Variants in SRD5A2 observed in about 807,000 individuals in gnomAD.
SRD5A2 encodes 3-oxo-5-alpha-steroid 4-dehydrogenase 2.
A neutral mutation model predicts 27.4 loss-of-function variants in SRD5A2; 30 were observed. That is an observed-to-expected ratio of 1.10 (90% confidence interval 0.82 to 1.49). The LOEUF is 1.49. Ranked by LOEUF, SRD5A2 falls within the 40% of genes most tolerant of loss-of-function variation. The pLI is 0.00. For missense variants in SRD5A2, 348 were observed against 323.4 expected, an observed-to-expected ratio of 1.08 and a Z score of -0.58; for synonymous variants, 141 against 133.6, an observed-to-expected ratio of 1.06 and a Z score of -0.38.
chr2:31,643,909 G>A, the SRD5A2 span, among the ~76,000 whole-genome samples: 1 of 152,124 alleles, frequency 6.6e-6, no homozygotes, highest in African/African-American at 2.4e-5. Flanking sequence ...ATTATAGAAG[G>A]ATAGAATTAG....
chr2:31,543,183 A>G (rs1666174187), intron 1 of SRD5A2, among the ~76,000 whole-genome samples: 1 of 152,214 alleles, frequency 6.6e-6, no homozygotes, highest in South Asian at 2.1e-4. Flanking sequence ...GAAACTGTCA[A>G]GCAAGAACAC....
intron 1 of SRD5A2, among the ~76,000 whole-genome samples, chr2:31,550,828 A>T (rs1304784087): frequency 6.6e-6 from 1 of 152,024 alleles, no homozygotes; most frequent in Non-Finnish European, 1.5e-5. Flanking sequence ...CAAGACAAAG[A>T]TGTGCATTCT....
chr2:31,533,572 A>T (rs767985392), intron 2 of SRD5A2, 31 bp downstream of exon 2: 12 of 1,546,324 alleles, frequency 7.8e-6, no homozygotes, highest in South Asian at 2.4e-5. Context: ...GTTAGCTGGG[A>T]AGTAGGTGAG....
intron 1 of SRD5A2, among the ~76,000 whole-genome samples, chr2:31,559,755 G>C (rs900560072): frequency 2.6e-5 from 4 of 152,040 alleles, no homozygotes; most frequent in Admixed American, 6.6e-5. Flanking sequence ...AGGTATGTTT[G>C]TCTACTGAAT....
At chr2:31,534,711 A>G (rs1665989319) in intron 1 of SRD5A2, among the ~76,000 whole-genome samples, 1 of 152,232 alleles carries the variant, frequency 6.6e-6, no homozygotes, top group African/African-American at 2.4e-5. Context: ...CAGACAAGAA[A>G]GAGCAGACAA....
At chr2:31,624,986 A>G in the SRD5A2 span, among the ~76,000 whole-genome samples, 1 of 152,156 alleles carries the variant, frequency 6.6e-6, no homozygotes, top group Non-Finnish European at 1.5e-5. Flanking sequence ...ACAGAGTAAA[A>G]GTGTTCCTAT....
the SRD5A2 span, among the ~76,000 whole-genome samples, chr2:31,616,567 T>C: frequency 6.6e-6 from 1 of 152,210 alleles, no homozygotes; most frequent in Non-Finnish European, 1.5e-5. Flanking sequence ...ATTTTAGACT[T>C]CCATGGGGCC....
At chr2:31,574,604 C>T (rs1666918504) in intron 1 of SRD5A2, among the ~76,000 whole-genome samples, 1 of 152,162 alleles carries the variant, frequency 6.6e-6, no homozygotes, top group Non-Finnish European at 1.5e-5. Context: ...AGAATGAAAA[C>T]TCCAAGACTC....
chr2:31,634,779 G>A, the SRD5A2 span, among the ~76,000 whole-genome samples: 4 of 151,908 alleles, frequency 2.6e-5, no homozygotes, highest in Non-Finnish European at 4.4e-5. Context: ...ATGAGATCAT[G>A]CGATATTTGT....
At chr2:31,596,509 AG>A in the SRD5A2 span, among the ~76,000 whole-genome samples, 1 of 152,144 alleles carries the variant, frequency 6.6e-6, no homozygotes, top group Non-Finnish European at 1.5e-5. Context: ...AACAAGAGAA[AG>A]AAATAAAGGG....
chr2:31,633,756 G>GTA, the SRD5A2 span, among the ~76,000 whole-genome samples: 1 of 152,288 alleles, frequency 6.6e-6, no homozygotes, highest in East Asian at 1.9e-4. Context: ...CTGCAAGACA[G>GTA]GATTAGCTGG....
chr2:31,562,764 A>G (rs1666649704), intron 1 of SRD5A2, among the ~76,000 whole-genome samples: 2 of 152,056 alleles, frequency 1.3e-5, no homozygotes, highest in African/African-American at 4.8e-5. Flanking sequence ...AGAAGCTCAA[A>G]CCTCAGCATC....
At position 31,526,098 on chromosome 2, in the gene SRD5A2, T is replaced by C. The variant is rs1665772456; in HGVS notation, c.*98A>G. The C allele has an allele frequency of 2.5e-6, 2 of 802,318 alleles. No individual in the cohort carries two copies. Among genetic ancestry groups the C allele is most frequent in the Non-Finnish European group, 4.1e-6 (2 of 485,762 alleles). The allele number at this position is 802,318 out of a possible 1,614,324, so 49.7% of individuals were successfully genotyped here. A position where few individuals can be genotyped will look rare whatever the true frequency, so the allele number is the denominator to read the frequency against. On this transcript the variant is annotated 3_prime_UTR_variant, in exon 5 of 5. Transcript: ENST00000622030. ...GAACGCCAGGAGACCTACTATTACATATATACGGGACTATTATATCATGAA... is the reference window on the plus strand; with the variant it reads ...GAACGCCAGGAGACCTACTATTACACATATACGGGACTATTATATCATGAA...
At chr2:31,607,924 G>T in the SRD5A2 span, among the ~76,000 whole-genome samples, 6 of 151,828 alleles carry the variant, frequency 4.0e-5, no homozygotes, top group Non-Finnish European at 7.4e-5. Flanking sequence ...TAGTGCCCTT[G>T]TAAGAAGACA....
chr2:31,593,558 A>G, the SRD5A2 span, among the ~76,000 whole-genome samples: 51 of 152,316 alleles, frequency 3.3e-4, 3 homozygotes, highest in South Asian at 3.9e-3. Flanking sequence ...ACAACCAAAC[A>G]TAAGAATAAT....
rs141214796 is a variant in SRD5A2 at position 31,555,226 on chromosome 2, C to T, written c.282-21460G>A. ...GATTTCAGACATTTTAGTCCAAGGA[C>T]CTAATTGCATCTACAGTGGTCATCT... On this transcript the variant is annotated intron_variant, in intron 1 of 4. Transcript: ENST00000622030. Among the ~76,000 whole-genome samples, 1,444 of 152,006 alleles carry T rather than the reference C, an allele frequency of 9.5e-3. 21 individuals carry two copies. Among genetic ancestry groups the T allele is most frequent in the South Asian group, 0.028 (134 of 4,818 alleles).
rs969818852 is a variant in SRD5A2, at chr2:31,525,978, T to A, written c.*218A>T. On this transcript the variant is annotated 3_prime_UTR_variant, in exon 5 of 5. Coordinates refer to ENST00000622030, the MANE Select transcript of SRD5A2 (RefSeq NM_000348.4). ...CTGTCGCCATTTGGAAAAGTGGCTT[T>A]TTGAAGCTTCAGTTGGGGATCAGGA... The A allele has an allele frequency of 2.4e-6, 1 of 413,958 alleles. No individual in the cohort carries two copies. The highest frequency in any genetic ancestry group is 7.1e-5 in the South Asian group (1 of 14,034). The allele number at this position is 413,958 out of a possible 1,614,324, so 25.6% of individuals were successfully genotyped here.
intron 1 of SRD5A2, among the ~76,000 whole-genome samples, chr2:31,563,688 C>G (rs926503008): frequency 1.3e-5 from 2 of 152,052 alleles, no homozygotes; most frequent in African/African-American, 2.4e-5. Context: ...CAAGTATTAG[C>G]AGAGTGTTAA....
the SRD5A2 span, among the ~76,000 whole-genome samples, chr2:31,616,821 A>G: frequency 1.3e-5 from 2 of 152,168 alleles, no homozygotes; most frequent in African/African-American, 4.8e-5. Flanking sequence ...ATGTGAGGAC[A>G]TGAGATTTAG....
Sources: gnomAD v4.1 joint callset for allele counts (sites outside exome capture counted in the v4.1 genomes callset) on GRCh38, gnomAD v4.1.1 for gene constraint, MANE v1.5 for transcripts, NCBI Gene and HGNC (gene_info 2026-07-23, HGNC 2026-07-21) for gene names.